Variants in SRPK2 observed in about 807,000 individuals in gnomAD.
The protein encoded by SRPK2 is SRSF protein kinase 2.
In SRPK2, 21 loss-of-function variants were observed where a neutral mutation model predicts 90.8. That is an observed-to-expected ratio of 0.23 (90% CI 0.16 to 0.33). SRPK2 has a LOEUF of 0.33. SRPK2 is among the 10% of genes least tolerant of loss of function. The probability of loss-of-function intolerance (pLI) is 1.00; values close to 1 mark genes in which losing one functional copy is unlikely to be tolerated. For synonymous variants in SRPK2, 288 were observed against 311.1 expected, an observed-to-expected ratio of 0.93 and a Z score of 0.78; for missense variants, 620 against 869.0, an observed-to-expected ratio of 0.71 and a Z score of 3.60.
chr7:105,377,417 G>C (rs55646993), intron 2 of SRPK2, among the ~76,000 whole-genome samples: 61,844 of 152,010 alleles, frequency 0.41, 14,083 homozygotes, highest in South Asian at 0.51. Flanking sequence ...GCCAGGCTGG[G>C]CGCGGTGGCT....
intron 2 of SRPK2, among the ~76,000 whole-genome samples, chr7:105,370,026 T>C (rs930201231): frequency 4.8e-5 from 1 of 20,746 alleles, no homozygotes; most frequent in African/African-American, 2.1e-4. Context: ...AGACTCCATC[T>C]CAAACAACAA....
intron 3 of SRPK2, among the ~76,000 whole-genome samples, chr7:105,196,456 G>C (rs932210024): frequency 6.6e-6 from 1 of 152,200 alleles, no homozygotes; most frequent in Non-Finnish European, 1.5e-5. Flanking sequence ...TCTGGGCACT[G>C]CTGACATTAG....
intron 2 of SRPK2, among the ~76,000 whole-genome samples, chr7:105,367,025 G>A (rs1439477401): frequency 6.6e-6 from 1 of 151,800 alleles, no homozygotes; most frequent in Non-Finnish European, 1.5e-5. Flanking sequence ...ACTAAACATA[G>A]TGAAATATAT....
At chr7:105,296,583 G>A (rs867883720) in intron 2 of SRPK2, among the ~76,000 whole-genome samples, 27 of 152,166 alleles carry the variant, frequency 1.8e-4, no homozygotes, top group African/African-American at 6.0e-4. Context: ...TGAAACAGGA[G>A]AGGAAAGAAA....
At chr7:105,301,762 T>C in intron 2 of SRPK2, 1 of 1,594,960 alleles carries the variant, frequency 6.3e-7, no homozygotes, top group Admixed American at 1.7e-5. Context: ...CAGAGTATAT[T>C]AGCCAAGTTA....
chr7:105,291,098 A>C (rs7790653), intron 2 of SRPK2, among the ~76,000 whole-genome samples: 64,548 of 149,694 alleles, frequency 0.43, 15,241 homozygotes, highest in South Asian at 0.53. Context: ...TAAACAAAAA[A>C]TGGCACATCC....
At chr7:105,282,260 T>A (rs1807443881) in intron 2 of SRPK2, among the ~76,000 whole-genome samples, 1 of 152,208 alleles carries the variant, frequency 6.6e-6, no homozygotes, top group Non-Finnish European at 1.5e-5. Context: ...GACAACTGGA[T>A]ATTCACATGC....
intron 7 of SRPK2, among the ~76,000 whole-genome samples, chr7:105,153,587 A>G (rs1244048678): frequency 6.6e-6 from 1 of 152,114 alleles, no homozygotes; most frequent in Non-Finnish European, 1.5e-5. Context: ...CAGAGTGCAA[A>G]GCTTCCCCCA....
At chr7:105,119,752 T>C (rs1186555163) in intron 15 of SRPK2, among the ~76,000 whole-genome samples, 1 of 152,206 alleles carries the variant, frequency 6.6e-6, no homozygotes, top group East Asian at 1.9e-4. Context: ...ATTCCGGCTC[T>C]AGGAATCCAG....
In SRPK2 at chr7:105,351,494, A is replaced by AAAT. The variant is rs151317011; in HGVS notation, c.71+37151_71+37153dup. The stretch of plus-strand genomic sequence containing the variant: ...GTGACAGAGTTACACTCCGTCTCAA[A>AAAT]AATAATAATAATAATAATAAATCAC... On this transcript the variant is annotated intron_variant, in intron 2 of 15. Transcript: ENST00000393651. 4.8e-3 allele frequency among the ~76,000 whole-genome samples: 721 copies of AAAT among 150,632 alleles called. 3 individuals carry two copies. Among genetic ancestry groups the AAAT allele is most frequent in the African/African-American group, 0.012 (475 of 41,006 alleles).
chr7:105,303,092 G>C (rs567305470), intron 2 of SRPK2, among the ~76,000 whole-genome samples: 1 of 152,072 alleles, frequency 6.6e-6, no homozygotes, highest in African/African-American at 2.4e-5. Flanking sequence ...AGGTGGGGGG[G>C]AGAAAATGTG....
chr7:105,139,847 CA>C, intron 11 of SRPK2, among the ~76,000 whole-genome samples: 1 of 151,806 alleles, frequency 6.6e-6, no homozygotes, highest in African/African-American at 2.4e-5. Context: ...GGTAAGAAAC[CA>C]AAGTTCCACA....
Position 105,226,715 on chromosome 7 carries a change from T to C in SRPK2, c.72-22930A>G, listed in dbSNP as rs964537760. On this transcript the variant is annotated intron_variant, in intron 2 of 15. Transcript: ENST00000393651. ...TTTCAGACTTAAGGATAAGACAGTGTAGATCTCTGGCCAGGCACGATGGCT... is the reference window on the plus strand; with the variant it reads ...TTTCAGACTTAAGGATAAGACAGTGCAGATCTCTGGCCAGGCACGATGGCT... Among the ~76,000 whole-genome samples, 10 of 152,102 alleles carry C rather than the reference T, an allele frequency of 6.6e-5. No individual in the cohort carries two copies. In the South Asian group the frequency reaches 2.1e-3, roughly 32 times the overall value.
At chr7:105,217,394 C>A (rs914852275) in intron 2 of SRPK2, among the ~76,000 whole-genome samples, 1 of 152,232 alleles carries the variant, frequency 6.6e-6, no homozygotes, top group Non-Finnish European at 1.5e-5. Context: ...GGTGCTGAGA[C>A]TAGCACCCAT....
In SRPK2 at chr7:105,355,777, G is replaced by A. The variant is rs62484685; in HGVS notation, c.71+32871C>T. 7.0e-3 allele frequency among the ~76,000 whole-genome samples: 1,069 copies of A among 152,226 alleles called. 4 individuals carry two copies. Among genetic ancestry groups the A allele is most frequent in the Non-Finnish European group, 0.012 (811 of 68,016 alleles). On this transcript the variant is annotated intron_variant, in intron 2 of 15. Coordinates refer to ENST00000393651, the MANE Select transcript of SRPK2 (RefSeq NM_182692.3). ...AATATCACCATCAGGGCCAAGCACG[G>A]TGCCTCACGCCTGTTACCTCAGCAC...
chr7:105,245,398 C>G (rs536796129), intron 2 of SRPK2, among the ~76,000 whole-genome samples: 3 of 152,182 alleles, frequency 2.0e-5, no homozygotes, highest in Non-Finnish European at 4.4e-5. Context: ...CCAGAAATGG[C>G]AGGATCAGTG....
intron 2 of SRPK2, among the ~76,000 whole-genome samples, chr7:105,361,427 C>T (rs1818411096): frequency 6.6e-6 from 1 of 152,138 alleles, no homozygotes; most frequent in Non-Finnish European, 1.5e-5. Flanking sequence ...TCAATGCCAT[C>T]CCCATCAAGC....
intron 2 of SRPK2, among the ~76,000 whole-genome samples, chr7:105,329,827 C>T (rs1416209992): frequency 2.0e-5 from 3 of 151,466 alleles, no homozygotes; most frequent in Non-Finnish European, 2.9e-5. Flanking sequence ...GCCAAGAGTT[C>T]GAGACCAGCC....
intron 3 of SRPK2, among the ~76,000 whole-genome samples, chr7:105,201,308 C>A (rs1016910553): frequency 2.6e-5 from 4 of 152,024 alleles, no homozygotes; most frequent in Non-Finnish European, 5.9e-5. Context: ...GGGGCTGGCA[C>A]GGGTATAAGG....
Sources: allele counts gnomAD v4.1 joint callset (sites outside exome capture counted in the v4.1 genomes callset), GRCh38; gene constraint gnomAD v4.1.1; transcripts MANE v1.5; gene names NCBI Gene and HGNC (gene_info 2026-07-23, HGNC 2026-07-21).